MGST1: variants seen among roughly 807,000 people sequenced by gnomAD.
MGST1 encodes microsomal glutathione S-transferase 1, also known as glutathione S-transferase 12.
A neutral mutation model predicts 8.9 loss-of-function variants in MGST1; 5 were observed. The ratio of observed to expected loss-of-function variants is 0.56; its 90% CI spans 0.29 to 1.19. MGST1 has a LOEUF of 1.19. MGST1 is among the 50% of genes most tolerant of loss of function. The pLI is 0.08. For synonymous variants in MGST1, 54 were observed against 67.8 expected (o/e 0.80, Z 1.00); for missense variants, 182 against 187.4 (o/e 0.97, Z 0.17).
Position 16,584,382 on chromosome 12 carries a change from A to G in MGST1, n.483-5146A>G, listed in dbSNP as rs1169282212. Among the ~76,000 whole-genome samples the G allele has an allele frequency of 3.9e-5, 6 of 152,178 alleles. No individual in the cohort carries two copies. On this transcript the variant is annotated intron_variant and non_coding_transcript_variant, in intron 4 of 4. Transcript: ENST00000538857. The surrounding 1 kb of genome is among the most constrained non-coding windows in gnomAD (Gnocchi z 5.2). Reference sequence around the variant, plus strand: ...CAAGTTTCAGGTAAGGCAACAGATGAAATTCAGTTAAAACAATATTTTGAT... The same window carrying G: ...CAAGTTTCAGGTAAGGCAACAGATGGAATTCAGTTAAAACAATATTTTGAT...
chr12:16,412,536 T>C (rs1940751047), intron 1 of MGST1, among the ~76,000 whole-genome samples: 1 of 152,208 alleles, frequency 6.6e-6, no homozygotes, highest in East Asian at 1.9e-4. Context: ...ATGGTTTGGC[T>C]GTGTTACTCC....
chr12:16,385,493 C>A (rs1223127870), intron 1 of MGST1, among the ~76,000 whole-genome samples: 4 of 152,112 alleles, frequency 2.6e-5, no homozygotes, highest in Non-Finnish European at 5.9e-5. Flanking sequence ...TGGTTATATG[C>A]TTTCAATATT....
chr12:16,401,777 G>T lies in MGST1; in HGVS notation n.778+18173G>T. 6.2e-7 allele frequency: 1 copy of T among 1,601,122 alleles called. No homozygotes were observed. ...CCTTTTCCACAGACTCAGCCAGTTT[G>T]CTGTGTCAAACTTTCTCATCTGCAT... is the stretch of plus-strand genomic sequence containing the variant. On this transcript the variant is annotated intron_variant and non_coding_transcript_variant, in intron 1 of 1. Transcript: ENST00000359720. This position sits in a 1 kb window ranked among gnomAD's most constrained non-coding sequence, Gnocchi z 4.3.
At chr12:16,439,125 AG>A (rs1263128604), downstream of MGST1, among the ~76,000 whole-genome samples, 1 of 149,472 alleles carries the variant, frequency 6.7e-6, no homozygotes, top group African/African-American at 2.5e-5. Flanking sequence ...AAAAAAAAAA[AG>A]CCAGATAGAA....
At chr12:16,523,850 G>C (rs766347567) in intron 4 of MGST1, among the ~76,000 whole-genome samples, 4 of 152,032 alleles carry the variant, frequency 2.6e-5, no homozygotes, top group Non-Finnish European at 5.9e-5. Flanking sequence ...TGCATTGTCA[G>C]CATTGTTAGA....
chr12:16,388,768 C>T (rs1022496191), intron 1 of MGST1, among the ~76,000 whole-genome samples: 1 of 152,150 alleles, frequency 6.6e-6, no homozygotes, highest in East Asian at 1.9e-4. Context: ...GTTCTACATC[C>T]TTAAATTAAA....
At chr12:16,509,056 T>C (rs1941559150) in intron 4 of MGST1, among the ~76,000 whole-genome samples, 1 of 152,196 alleles carries the variant, frequency 6.6e-6, no homozygotes, top group African/African-American at 2.4e-5. Flanking sequence ...TGAATTAATA[T>C]GAATTATTAA....
rs188090150 is a variant in MGST1 at position 16,357,382 on chromosome 12, C to T, written c.127-223C>T. ...TCAGGTGATCCTCCAACCTCAACCT[C>T]CTGAGTAGCTAGGACCACAGGCATG... On this transcript the variant is annotated intron_variant, in intron 2 of 3. Transcript: ENST00000396210. The T allele has an allele frequency of 4.1e-3, 1,668 of 409,924 alleles. 7 individuals are homozygous for T. Among genetic ancestry groups the T allele is most frequent in the Non-Finnish European group, 6.0e-3 (1,377 of 230,964 alleles). The allele number at this position is 409,924 out of a possible 1,614,324, so 25.4% of individuals were successfully genotyped here.
At chr12:16,505,392 G>A (rs1005175854) in intron 4 of MGST1, among the ~76,000 whole-genome samples, 2 of 152,026 alleles carry the variant, frequency 1.3e-5, no homozygotes, top group Non-Finnish European at 2.9e-5. Flanking sequence ...TATCCTTTAG[G>A]CTCCTTCAGC....
intron 1 of MGST1, among the ~76,000 whole-genome samples, chr12:16,432,415 A>G (rs1290479817): frequency 6.6e-6 from 1 of 152,020 alleles, no homozygotes; most frequent in African/African-American, 2.4e-5. Flanking sequence ...ATGAGTGAGT[A>G]CTTATGGTCA....
exon 4 of MGST1, chr12:16,376,403 C>A: frequency 3.1e-6 from 1 of 317,464 alleles, no homozygotes; most frequent in Non-Finnish European, 5.7e-6. Context: ...CAAAAATCTC[C>A]ACGAATCTCT....
intron 4 of MGST1, among the ~76,000 whole-genome samples, chr12:16,460,718 G>A (rs1430748050): frequency 6.6e-6 from 1 of 150,590 alleles, no homozygotes; most frequent in Non-Finnish European, 1.5e-5. Context: ...TCTAAATTCA[G>A]GCTATATTGT....
At chr12:16,593,179 G>T (rs1174942231), downstream of MGST1, among the ~76,000 whole-genome samples, 1 of 151,804 alleles carries the variant, frequency 6.6e-6, no homozygotes, top group Non-Finnish European at 1.5e-5. The surrounding 1 kb of genome is among the most constrained non-coding windows in gnomAD (Gnocchi z 4.2). Flanking sequence ...TGGGTTTAAT[G>T]TGGACGATGC....
At chr12:16,507,813 C>G (rs1207162465) in intron 4 of MGST1, among the ~76,000 whole-genome samples, 1 of 152,060 alleles carries the variant, frequency 6.6e-6, no homozygotes, top group African/African-American at 2.4e-5. Context: ...GATTCAATCA[C>G]CTCCCATTAG....
At chr12:16,419,429 G>A (rs1202175821) in intron 1 of MGST1, among the ~76,000 whole-genome samples, 1 of 152,062 alleles carries the variant, frequency 6.6e-6, no homozygotes, top group East Asian at 1.9e-4. Flanking sequence ...TCCTTCTTGG[G>A]GGAAGAGAGA....
chr12:16,383,947 A>T (rs1940480779), intron 1 of MGST1, among the ~76,000 whole-genome samples: 1 of 152,172 alleles, frequency 6.6e-6, no homozygotes, highest in South Asian at 2.1e-4. Context: ...CATTAACACT[A>T]TGCCCTGAGA....
intron 1 of MGST1, among the ~76,000 whole-genome samples, chr12:16,409,928 T>G (rs1256187960): frequency 6.6e-6 from 1 of 152,140 alleles, no homozygotes; most frequent in Non-Finnish European, 1.5e-5. Context: ...AGATAACATA[T>G]ATTAACAAAT....
At chr12:16,417,372 G>C (rs1940796956) in intron 1 of MGST1, among the ~76,000 whole-genome samples, 1 of 152,104 alleles carries the variant, frequency 6.6e-6, no homozygotes, top group Non-Finnish European at 1.5e-5. Context: ...CACCTCCCAT[G>C]AAGTCCCTCC....
chr12:16,399,826 C>G, intron 1 of MGST1: 1 of 1,218,712 alleles, frequency 8.2e-7, no homozygotes, highest in Non-Finnish European at 1.2e-6. Flanking sequence ...TGATCATGGT[C>G]ACTTTCTTGC....
Sources: allele counts gnomAD v4.1 joint callset (sites outside exome capture counted in the v4.1 genomes callset), GRCh38; gene constraint gnomAD v4.1.1; non-coding constraint Gnocchi (gnomAD v3.1); transcripts MANE v1.5; gene names NCBI Gene and HGNC (gene_info 2026-07-23, HGNC 2026-07-21).